Variants in ITPR2 observed in about 807,000 individuals in gnomAD.
ITPR2 encodes the protein inositol 1,4,5-trisphosphate-gated calcium channel ITPR2.
Under a neutral mutation model 317.1 loss-of-function variants are expected in ITPR2, and 207 were observed. The observed-to-expected ratio is 0.65, with a 90% CI of 0.58 to 0.73. ITPR2 has a LOEUF of 0.73. Ranked by LOEUF, ITPR2 falls within the 30% of genes least tolerant of loss-of-function variation. The pLI is 0.00. For missense variants in ITPR2, 2,613 were observed against 3,284.0 expected (o/e 0.80, Z 4.99); for synonymous variants, 1,156 against 1,149.1 (o/e 1.01, Z -0.12).
At chr12:26,427,153 G>C (rs1250844557) in intron 49 of ITPR2, among the ~76,000 whole-genome samples, 1 of 152,040 alleles carries the variant, frequency 6.6e-6, no homozygotes, top group Non-Finnish European at 1.5e-5. Flanking sequence ...AGAAACCCAG[G>C]AAAAGATCGA....
chr12:26,536,748 T>C (rs1044236869), intron 37 of ITPR2, among the ~76,000 whole-genome samples: 2 of 152,308 alleles, frequency 1.3e-5, no homozygotes, highest in African/African-American at 2.4e-5. Flanking sequence ...ACAGCCGAGA[T>C]TGACTGGGGT....
At chr12:26,514,539 C>A (rs1450655816) in intron 37 of ITPR2, among the ~76,000 whole-genome samples, 3 of 152,160 alleles carry the variant, frequency 2.0e-5, no homozygotes, top group African/African-American at 7.2e-5. Flanking sequence ...CTATTTCCAA[C>A]TCTGTCTGGA....
intron 28 of ITPR2, among the ~76,000 whole-genome samples, chr12:26,600,859 C>T (rs1945983529): frequency 6.6e-6 from 1 of 152,016 alleles, no homozygotes; most frequent in Admixed American, 6.6e-5. Flanking sequence ...AGTTCTTCCT[C>T]TCTCCAATCT....
chr12:26,725,964 C>T (rs1389942934), intron 2 of ITPR2, 199 bp from the exon 3 acceptor site: 6 of 443,888 alleles, frequency 1.4e-5, no homozygotes, highest in African/African-American at 1.2e-4. Flanking sequence ...GTTAAAATAT[C>T]CACTTCTTCA....
Position 26,407,493 on chromosome 12 carries a change from G to T in ITPR2, c.7399+3827C>A, listed in dbSNP as rs189901021. 2.0e-5 allele frequency among the ~76,000 whole-genome samples: 3 copies of T among 152,208 alleles called. No individual in the cohort carries two copies. In the East Asian group the frequency reaches 5.8e-4, roughly 29 times the overall value. ...TTGTCAGATGTCCCTGGGGGGTTGG[G>T]GTAGGGGTGGGGACAAAATCAACTC... On this transcript the variant is annotated intron_variant, in intron 52 of 56. Coordinates refer to ENST00000381340, the MANE Select transcript of ITPR2 (RefSeq NM_002223.4).
intron 35 of ITPR2, among the ~76,000 whole-genome samples, 193 bp downstream of exon 35, chr12:26,561,569 C>T (rs1240577079): frequency 1.3e-5 from 2 of 152,110 alleles, no homozygotes; most frequent in African/African-American, 4.8e-5. Flanking sequence ...TATTAATATA[C>T]ACTCATTAAA....
intron 5 of ITPR2, among the ~76,000 whole-genome samples, chr12:26,716,771 T>C (rs1565714252): frequency 6.6e-6 from 1 of 152,226 alleles, no homozygotes. Flanking sequence ...GAATTAGGTA[T>C]GACCTTGTAG....
At chr12:26,524,719 C>A (rs1026821309) in intron 37 of ITPR2, among the ~76,000 whole-genome samples, 1 of 152,060 alleles carries the variant, frequency 6.6e-6, no homozygotes, top group Non-Finnish European at 1.5e-5. Flanking sequence ...ACAAAGTACA[C>A]AAACCAGATA....
chr12:26,549,717 T>C (rs1944478582), intron 37 of ITPR2, among the ~76,000 whole-genome samples: 1 of 152,114 alleles, frequency 6.6e-6, no homozygotes, highest in African/African-American at 2.4e-5. Flanking sequence ...TATAGGTTGA[T>C]ATTTCCCTGA....
intron 36 of ITPR2, among the ~76,000 whole-genome samples, chr12:26,553,235 T>C (rs1944572822): frequency 6.6e-6 from 1 of 152,256 alleles, no homozygotes; most frequent in Non-Finnish European, 1.5e-5. Context: ...AAGGGAGAAG[T>C]AGGTGTTGAT....
At chr12:26,604,078 C>A (rs1291724259) in intron 26 of ITPR2, among the ~76,000 whole-genome samples, 2 of 152,108 alleles carry the variant, frequency 1.3e-5, no homozygotes, top group African/African-American at 2.4e-5. Flanking sequence ...ATTTATTTGT[C>A]CCAAGTTGTT....
rs114785306 is a variant in ITPR2, at chr12:26,617,308, T to G, written c.3462+3815A>C. The stretch of plus-strand genomic sequence containing the variant: ...AGATAGCAAAAGAATATGAACAAAT[T>G]TATGCCAATAAATTCGAAGATTTCA... On this transcript the variant is annotated intron_variant, in intron 26 of 56. Transcript: ENST00000381340. Among the ~76,000 whole-genome samples the G allele has an allele frequency of 4.7e-3, 720 of 152,200 alleles. 3 individuals carry two copies. Among genetic ancestry groups the G allele is most frequent in the African/African-American group, 0.016 (672 of 41,510 alleles).
intron 55 of ITPR2, among the ~76,000 whole-genome samples, chr12:26,355,975 G>C (rs1938626086): frequency 6.6e-6 from 1 of 152,188 alleles, no homozygotes. Flanking sequence ...TTCTTCACTA[G>C]ATTTTTCAAA....
chr12:26,645,913 TTCATGG>T (rs1947102149), intron 21 of ITPR2, among the ~76,000 whole-genome samples: 1 of 152,070 alleles, frequency 6.6e-6, no homozygotes, highest in Admixed American at 6.6e-5. Flanking sequence ...TACACACTTT[TTCATGG>T]TCTCACCTCA....
rs1951142666 is a variant in ITPR2 at position 26,832,944 on chromosome 12, C to A, written c.-163G>T. 3.4e-6 allele frequency: 2 copies of A among 583,852 alleles called. No homozygotes were observed. Among genetic ancestry groups the A allele is most frequent in the African/African-American group, 2.0e-5 (1 of 49,528 alleles). 36.2% of individuals were successfully genotyped at this position (583,852 alleles called of 1,614,324 possible). A position where few individuals can be genotyped will look rare whatever the true frequency, so the allele number is the denominator to read the frequency against. ...GAGCCACTGAGCGTCGCGGCTCAGC[C>A]GTGCGTGCGCGCCGGGGAAGCCAGA... On this transcript the variant is annotated 5_prime_UTR_variant, in exon 1 of 57. Transcript: ENST00000381340.
chr12:26,817,190 AAAAAAAAAAAAAG>A (rs957871284), intron 1 of ITPR2, among the ~76,000 whole-genome samples: 9 of 150,764 alleles, frequency 6.0e-5, no homozygotes, highest in African/African-American at 2.2e-4. Context: ...CAAAAAAAAA[AAAAAAAAAAAAAG>A]GGCAGTACGA....
At chr12:26,757,513 G>C (rs1949547656) in intron 2 of ITPR2, among the ~76,000 whole-genome samples, 1 of 152,090 alleles carries the variant, frequency 6.6e-6, no homozygotes, top group Non-Finnish European at 1.5e-5. Flanking sequence ...ACCACACCCG[G>C]TCTTATTCAT....
chr12:26,741,572 A>G (rs1359365488), intron 2 of ITPR2, among the ~76,000 whole-genome samples: 1 of 152,232 alleles, frequency 6.6e-6, no homozygotes, highest in African/African-American at 2.4e-5. Flanking sequence ...AAGGCATTAC[A>G]AAGTAGAAAA....
intron 55 of ITPR2, among the ~76,000 whole-genome samples, chr12:26,357,862 G>C (rs537640717): frequency 2.0e-5 from 3 of 152,356 alleles, no homozygotes; most frequent in Non-Finnish European, 2.9e-5. Context: ...AGAGGGGAAG[G>C]GTGACCTTGG....
Sources: allele counts gnomAD v4.1 joint callset (sites outside exome capture counted in the v4.1 genomes callset), GRCh38; gene constraint gnomAD v4.1.1; transcripts MANE v1.5; gene names NCBI Gene and HGNC (gene_info 2026-07-23, HGNC 2026-07-21).